Variants in GRM7 observed in about 807,000 individuals in gnomAD.
The protein encoded by GRM7 is glutamate metabotropic receptor 7, also known as metabotropic glutamate receptor 7.
Under a neutral mutation model 84.5 loss-of-function variants are expected in GRM7, and 35 were observed. The observed-to-expected ratio is 0.41, with a 90% CI of 0.32 to 0.55. The LOEUF (loss-of-function observed/expected upper bound fraction) is 0.55, where lower values mean the gene tolerates loss of function less well. GRM7 is among the 20% of genes least tolerant of loss of function. The probability of loss-of-function intolerance (pLI) is 0.19; values close to 1 mark genes in which losing one functional copy is unlikely to be tolerated. For synonymous variants in GRM7, 487 were observed against 455.1 expected, an observed-to-expected ratio of 1.07 and a Z score of -0.89; for missense variants, 1,003 against 1,194.6, an observed-to-expected ratio of 0.84 and a Z score of 2.36.
At chr3:7,337,762 T>C (rs961618654) in intron 4 of GRM7, among the ~76,000 whole-genome samples, 4 of 151,870 alleles carry the variant, frequency 2.6e-5, no homozygotes. Context: ...AAAAAAGATA[T>C]TGACATGGAT....
intron 4 of GRM7, among the ~76,000 whole-genome samples, chr3:7,362,482 T>C (rs1693707452): frequency 6.6e-6 from 1 of 151,574 alleles, no homozygotes; most frequent in African/African-American, 2.4e-5. Flanking sequence ...AAAGATACAT[T>C]AGAAAAATCT....
intron 2 of GRM7, among the ~76,000 whole-genome samples, chr3:7,170,955 G>A (rs1053085544): frequency 1.3e-4 from 20 of 152,132 alleles, no homozygotes; most frequent in African/African-American, 4.3e-4. Context: ...CACATGTCTT[G>A]TGTACATGCT....
intron 7 of GRM7, among the ~76,000 whole-genome samples, chr3:7,572,612 G>A (rs976442734): frequency 6.6e-6 from 1 of 151,378 alleles, no homozygotes; most frequent in East Asian, 2.0e-4. Flanking sequence ...AAGGTCAGGA[G>A]ATCGAGATTA....
At chr3:7,525,771 A>G (rs993284540) in intron 7 of GRM7, among the ~76,000 whole-genome samples, 16 of 152,060 alleles carry the variant, frequency 1.1e-4, no homozygotes, top group African/African-American at 2.9e-4. Flanking sequence ...TGTGTATCCA[A>G]TGTTTAGCTC....
intron 4 of GRM7, among the ~76,000 whole-genome samples, chr3:7,381,040 G>C (rs1305003923): frequency 6.6e-6 from 1 of 152,132 alleles, no homozygotes; most frequent in East Asian, 1.9e-4. Flanking sequence ...GTCAAATTTG[G>C]AAGCAGAAGA....
chr3:7,100,901 A>G (rs1574904900), intron 1 of GRM7, among the ~76,000 whole-genome samples: 1 of 151,560 alleles, frequency 6.6e-6, no homozygotes, highest in Admixed American at 6.6e-5. Flanking sequence ...TGTTTTTGAG[A>G]TTCATCTATA....
At chr3:6,984,700 C>T (rs1694339811) in intron 1 of GRM7, among the ~76,000 whole-genome samples, 1 of 151,876 alleles carries the variant, frequency 6.6e-6, no homozygotes. Context: ...TTTTTTTAGC[C>T]TTTATGGAGG....
chr3:7,613,578 G>C (rs1009285845), intron 8 of GRM7, among the ~76,000 whole-genome samples: 1 of 152,144 alleles, frequency 6.6e-6, no homozygotes, highest in African/African-American at 2.4e-5. Flanking sequence ...TCCCCTAGAA[G>C]TTTCAGAATG....
intron 9 of GRM7, among the ~76,000 whole-genome samples, chr3:7,697,145 A>G (rs1321320857): frequency 6.6e-6 from 1 of 152,174 alleles, no homozygotes; most frequent in Non-Finnish European, 1.5e-5. Flanking sequence ...TGACTTCTCA[A>G]TCTTCTCAAT....
At chr3:7,713,114 A>ATTTTTTTTT (rs1165234212) in intron 9 of GRM7, among the ~76,000 whole-genome samples, 2 of 129,854 alleles carry the variant, frequency 1.5e-5, no homozygotes, top group Admixed American at 8.0e-5. Context: ...GAGGATTCGA[A>ATTTTTTTTT]TTTTGTTTTG....
chr3:7,679,685 G>T (rs995280072), intron 8 of GRM7, among the ~76,000 whole-genome samples: 2 of 152,142 alleles, frequency 1.3e-5, no homozygotes, highest in African/African-American at 4.8e-5. Flanking sequence ...ATGTATGAAA[G>T]ATAAAACCTA....
At chr3:6,983,755 G>C (rs989422801) in intron 1 of GRM7, among the ~76,000 whole-genome samples, 5 of 151,456 alleles carry the variant, frequency 3.3e-5, no homozygotes, top group African/African-American at 1.2e-4. Context: ...ACAAACTTAA[G>C]CACATTATTT....
chr3:7,544,005 A>T (rs543040853), intron 7 of GRM7, among the ~76,000 whole-genome samples: 1 of 152,324 alleles, frequency 6.6e-6, no homozygotes, highest in African/African-American at 2.4e-5. Flanking sequence ...GGAAATCTAG[A>T]CATAAAGCTC....
intron 5 of GRM7, among the ~76,000 whole-genome samples, chr3:7,433,078 C>A (rs966772157): frequency 2.0e-5 from 3 of 152,070 alleles, no homozygotes; most frequent in African/African-American, 7.2e-5. Flanking sequence ...AAGGAAGAAA[C>A]CTTCTATGGA....
intron 1 of GRM7, among the ~76,000 whole-genome samples, chr3:6,969,088 G>T (rs1382023801): frequency 6.7e-6 from 1 of 148,802 alleles, no homozygotes; most frequent in African/African-American, 2.5e-5. Flanking sequence ...AAACCAGGGT[G>T]TTTTTTTTTT....
At chr3:7,419,730 C>A (rs1696318257) in intron 5 of GRM7, among the ~76,000 whole-genome samples, 1 of 152,176 alleles carries the variant, frequency 6.6e-6, no homozygotes, top group Non-Finnish European at 1.5e-5. Context: ...ATTAGAGTTA[C>A]CTCCTTGCTG....
rs73809070 is a variant in GRM7 at position 7,349,328 on chromosome 3, A to C, written c.1033+42676A>C. On this transcript the variant is annotated intron_variant, in intron 4 of 9. Coordinates refer to ENST00000357716, the MANE Select transcript of GRM7 (RefSeq NM_000844.4). ...CCATTTCAGGTTGCTGTAACATGTC[A>C]GCTTATTTTCTATTAGCATAAAGTG... Among the ~76,000 whole-genome samples the C allele has an allele frequency of 3.2e-3, 482 of 152,280 alleles. 2 individuals are homozygous for C. The highest frequency in any genetic ancestry group is 0.011 in the African/African-American group (459 of 41,570).
chr3:7,127,401 G>A (rs1029913804), intron 1 of GRM7, among the ~76,000 whole-genome samples: 17 of 152,150 alleles, frequency 1.1e-4, no homozygotes, highest in Non-Finnish European at 1.9e-4. Flanking sequence ...ATAATTGATA[G>A]CATCTAACCC....
intron 1 of GRM7, among the ~76,000 whole-genome samples, chr3:7,097,709 C>G (rs943295012): frequency 2.0e-5 from 3 of 152,120 alleles, no homozygotes; most frequent in Admixed American, 1.3e-4. Context: ...CTCGACACTG[C>G]TAAAAACTTC....
Sources: gnomAD v4.1 joint callset for allele counts (sites outside exome capture counted in the v4.1 genomes callset) on GRCh38, gnomAD v4.1.1 for gene constraint, MANE v1.5 for transcripts, NCBI Gene and HGNC (gene_info 2026-07-23, HGNC 2026-07-21) for gene names.